Variants in WWOX observed in about 807,000 individuals in gnomAD.
The protein encoded by WWOX is WW domain containing oxidoreductase.
In WWOX, 69 loss-of-function variants were observed where a neutral mutation model predicts 46.2. That is an observed-to-expected ratio of 1.49 (90% CI 1.23 to 1.82). The LOEUF is 1.82. WWOX is among the 40% of genes most tolerant of loss of function. WWOX has a pLI of 0.00. For missense variants in WWOX, 919 were observed against 542.6 expected, an observed-to-expected ratio of 1.69 and a Z score of -6.89; for synonymous variants, 359 against 202.6, an observed-to-expected ratio of 1.77 and a Z score of -6.56.
intron 8 of WWOX, among the ~76,000 whole-genome samples, chr16:78,904,211 C>T (rs2044901148): frequency 6.8e-6 from 1 of 146,100 alleles, no homozygotes; most frequent in Admixed American, 6.8e-5. Flanking sequence ...GTGATGTCAT[C>T]ACTTAGATGA....
chr16:78,611,089 T>C (rs934903157), intron 8 of WWOX, among the ~76,000 whole-genome samples: 1 of 152,200 alleles, frequency 6.6e-6, no homozygotes, highest in African/African-American at 2.4e-5. Flanking sequence ...TATATCCCAG[T>C]GTGTGTGGTC....
chr16:79,011,350 G>A (rs373526657), intron 8 of WWOX, among the ~76,000 whole-genome samples: 2 of 151,734 alleles, frequency 1.3e-5, no homozygotes, highest in African/African-American at 4.8e-5. Context: ...AAATTTTCAT[G>A]TCTCCAATCC....
chr16:79,200,200 C>T (rs910084143), intron 8 of WWOX, among the ~76,000 whole-genome samples: 2 of 152,016 alleles, frequency 1.3e-5, no homozygotes, highest in Non-Finnish European at 2.9e-5. Flanking sequence ...GGTGGGAAGC[C>T]AGGGTTTTAG....
At chr16:78,911,115 C>G (rs894825924) in intron 8 of WWOX, among the ~76,000 whole-genome samples, 6 of 152,106 alleles carry the variant, frequency 3.9e-5, no homozygotes, top group African/African-American at 1.4e-4. Flanking sequence ...AGTTGCAGAC[C>G]TCAGACAGGA....
At chr16:78,208,872 C>A (rs529935317) in intron 5 of WWOX, among the ~76,000 whole-genome samples, 11 of 152,184 alleles carry the variant, frequency 7.2e-5, no homozygotes, top group Non-Finnish European at 1.3e-4. Context: ...TGCTCCATCT[C>A]TGACAATTAA....
intron 5 of WWOX, among the ~76,000 whole-genome samples, chr16:78,377,853 A>G (rs1181423921): frequency 6.6e-6 from 1 of 152,154 alleles, no homozygotes; most frequent in African/African-American, 2.4e-5. Context: ...CCTTGAATAG[A>G]CTTAGAATTA....
At chr16:78,842,150 G>C (rs1439447399) in intron 8 of WWOX, among the ~76,000 whole-genome samples, 1 of 152,092 alleles carries the variant, frequency 6.6e-6, no homozygotes, top group African/African-American at 2.4e-5. Flanking sequence ...TCCAGGAGGA[G>C]TTCATTTTCA....
At chr16:78,719,619 A>T (rs1306220917) in intron 8 of WWOX, among the ~76,000 whole-genome samples, 1 of 152,242 alleles carries the variant, frequency 6.6e-6, no homozygotes, top group Non-Finnish European at 1.5e-5. Context: ...GAGCCTTTTT[A>T]ATAAGCTAGT....
chr16:78,437,880 T>C (rs1316476592), intron 8 of WWOX, among the ~76,000 whole-genome samples: 1 of 152,222 alleles, frequency 6.6e-6, no homozygotes, highest in Non-Finnish European at 1.5e-5. Context: ...CTCTAAAATG[T>C]TTTGCACCTG....
intron 8 of WWOX, among the ~76,000 whole-genome samples, chr16:79,194,793 C>A (rs1357021779): frequency 6.6e-6 from 1 of 152,138 alleles, no homozygotes; most frequent in Non-Finnish European, 1.5e-5. Flanking sequence ...CCGTATTATA[C>A]ATTCAGTAGA....
At chr16:79,181,651 C>T (rs2050914263) in intron 8 of WWOX, among the ~76,000 whole-genome samples, 2 of 152,068 alleles carry the variant, frequency 1.3e-5, no homozygotes, top group South Asian at 2.1e-4. Context: ...GGGTGGTATC[C>T]AGTTCTTTGC....
At chr16:78,362,659 G>A (rs554056076) in intron 5 of WWOX, among the ~76,000 whole-genome samples, 1 of 152,232 alleles carries the variant, frequency 6.6e-6, no homozygotes, top group Admixed American at 6.5e-5. Context: ...CCTGGTGCTT[G>A]TAGGAGAGGC....
intron 8 of WWOX, among the ~76,000 whole-genome samples, chr16:78,755,254 G>T (rs542364202): frequency 6.7e-6 from 1 of 148,794 alleles, no homozygotes; most frequent in African/African-American, 2.5e-5. Flanking sequence ...AAAAGAAAAA[G>T]AAAACACCGG....
At chr16:79,188,766 C>T (rs527999423) in intron 8 of WWOX, among the ~76,000 whole-genome samples, 2 of 152,268 alleles carry the variant, frequency 1.3e-5, no homozygotes, top group East Asian at 3.9e-4. Context: ...CCTCGAAATC[C>T]ACATTCTTCC....
intron 4 of WWOX, among the ~76,000 whole-genome samples, chr16:78,119,365 C>A (rs1308190553): frequency 5.3e-5 from 8 of 152,184 alleles, no homozygotes; most frequent in African/African-American, 1.9e-4. Flanking sequence ...GCCTATCAGT[C>A]AGCTAATTTG....
At chr16:79,126,704 A>C (rs2049764029) in intron 8 of WWOX, among the ~76,000 whole-genome samples, 1 of 152,214 alleles carries the variant, frequency 6.6e-6, no homozygotes, top group Non-Finnish European at 1.5e-5. Context: ...GATGGAGCAC[A>C]GGCTGGAAAA....
intron 8 of WWOX, among the ~76,000 whole-genome samples, chr16:78,647,077 C>T (rs181253413): frequency 7.2e-5 from 11 of 152,268 alleles, no homozygotes; most frequent in East Asian, 3.9e-4. Context: ...CTTCCTTCCC[C>T]GATGATGGCC....
intron 8 of WWOX, among the ~76,000 whole-genome samples, chr16:79,175,510 A>T (rs577559046): frequency 1.3e-5 from 2 of 152,262 alleles, no homozygotes; most frequent in African/African-American, 4.8e-5. Context: ...CTCCGTGGAT[A>T]TTACTAGGTA....
At chr16:78,782,915 C>G (rs12920155) in intron 8 of WWOX, among the ~76,000 whole-genome samples, 53,406 of 152,050 alleles carry the variant, frequency 0.35, 11,770 homozygotes, top group Middle Eastern at 0.53. Context: ...ATATCTATTA[C>G]AAAGGCTCTT....
Sources: gnomAD v4.1 joint callset for allele counts (sites outside exome capture counted in the v4.1 genomes callset) on GRCh38, gnomAD v4.1.1 for gene constraint, MANE v1.5 for transcripts, NCBI Gene and HGNC (gene_info 2026-07-23, HGNC 2026-07-21) for gene names.